Variants in CACNA1S observed in about 807,000 individuals in gnomAD.
CACNA1S encodes voltage-dependent L-type calcium channel subunit alpha-1S.
Under a neutral mutation model 207.4 loss-of-function variants are expected in CACNA1S, and 126 were observed. The ratio of observed to expected loss-of-function variants is 0.61; its 90% CI spans 0.53 to 0.70. The LOEUF is 0.70. Among genes scored for constraint, CACNA1S ranks in the 30% least tolerant of loss-of-function variants. The pLI is 0.00. For synonymous variants in CACNA1S, 960 were observed against 932.7 expected (o/e 1.03, Z -0.53); for missense variants, 2,349 against 2,422.8 (o/e 0.97, Z 0.64).
In CACNA1S at chr1:201,053,279, A is replaced by G. The variant is rs1281396256; in HGVS notation, c.3796-5T>C. ...CAGAGCCACGTAGGGTAGGGCCTGC[A>G]GGGCGGGCGGGAGCGCCAGTCAGTG... On this transcript the variant is annotated splice_polypyrimidine_tract_variant and splice_region_variant and intron_variant, in intron 30 of 43. Transcript: ENST00000362061. The surrounding 1 kb of genome is among the most constrained non-coding windows in gnomAD (Gnocchi z 5.1). 1 of 1,613,838 alleles carries G rather than the reference A, an allele frequency of 6.2e-7. No individual in the cohort carries two copies. Among genetic ancestry groups the G allele is most frequent in the East Asian group, 2.2e-5 (1 of 44,884 alleles).
In CACNA1S at chr1:201,075,475, C is replaced by T. The variant is rs1362469143; in HGVS notation, c.1948+20G>A. The T allele has an allele frequency of 1.2e-6, 2 of 1,603,254 alleles. No homozygotes were observed. The highest frequency in any genetic ancestry group is 1.1e-5 in the South Asian group (1 of 90,814). The stretch of plus-strand genomic sequence containing the variant: ...CCCCCTCCCTAAGCTCTTTTCTGCA[C>T]CCTGCTCCCGAGAGGATACAGTTGC... On this transcript the variant is annotated intron_variant, in intron 13 of 43. Coordinates refer to ENST00000362061, the MANE Select transcript of CACNA1S (RefSeq NM_000069.3).
At chr1:201,081,436 T>C (rs1370554307) in intron 10 of CACNA1S, among the ~76,000 whole-genome samples, 8 of 152,370 alleles carry the variant, frequency 5.3e-5, no homozygotes, top group Admixed American at 3.9e-4. Flanking sequence ...TTTTCTCGTA[T>C]CCTACTCGTC....
At chr1:201,061,539 G>A (rs1661050813) in intron 24 of CACNA1S, 71 bp from the exon 25 acceptor site, 6 of 1,445,106 alleles carry the variant, frequency 4.2e-6, no homozygotes, top group African/African-American at 2.8e-5. Context: ...TGGGAAGGAT[G>A]GGCTTTATCC....
Position 201,112,220 on chromosome 1 carries a change from CAG to C in CACNA1S, c.118_119del (p.Leu40GlufsTer38). ...CTACAATGCTGATGCAGGCCTTCCTCAGGGGGTTCTCCAGGGTCAGGCAGAAC... is the reference window on the plus strand; with the variant it reads ...CTACAATGCTGATGCAGGCCTTCCTCGGGGTTCTCCAGGGTCAGGCAGAAC... ...ALFCLTLENP[L>X]RKACISIVEW... On this transcript the variant is annotated frameshift_variant, in exon 1 of 44. Transcript: ENST00000362061. LOFTEE classifies it high-confidence loss of function. The C allele has an allele frequency of 6.2e-7, 1 of 1,613,946 alleles. No homozygotes were observed.
chr1:201,051,659 C>T (rs1271071416), intron 32 of CACNA1S, among the ~76,000 whole-genome samples: 4 of 152,210 alleles, frequency 2.6e-5, no homozygotes, highest in Non-Finnish European at 5.9e-5. Context: ...TTTCCAGTAA[C>T]TGCTACAACC....
chr1:201,068,483 TC>T (rs1661330560), intron 19 of CACNA1S, among the ~76,000 whole-genome samples: 1 of 149,982 alleles, frequency 6.7e-6, no homozygotes, highest in African/African-American at 2.4e-5. Flanking sequence ...CCTCAGGTGA[TC>T]CGCCCGCCTC....
chr1:201,097,609 C>T (rs753234286), intron 2 of CACNA1S, among the ~76,000 whole-genome samples: 13 of 152,274 alleles, frequency 8.5e-5, no homozygotes, highest in Non-Finnish European at 1.8e-4. Flanking sequence ...CCTGACAGAC[C>T]GCAGCTTCCT....
At chr1:201,101,774 G>A (rs1165075754) in intron 2 of CACNA1S, among the ~76,000 whole-genome samples, 1 of 152,244 alleles carries the variant, frequency 6.6e-6, no homozygotes, top group Non-Finnish European at 1.5e-5. Context: ...TGGTGGGTGT[G>A]AGGTGGCCAG....
At chr1:201,092,242 C>G (rs185605024) in intron 3 of CACNA1S, 128 bp from the exon 4 acceptor site, 8 of 898,290 alleles carry the variant, frequency 8.9e-6, no homozygotes, top group Admixed American at 4.3e-5. Context: ...ACGGCAAATA[C>G]GGGTGCATCA....
chr1:201,066,157 G>A lies in CACNA1S; in HGVS notation c.2745+72C>T, dbSNP rs2102582353. On this transcript the variant is annotated intron_variant, in intron 21 of 43. Coordinates refer to ENST00000362061, the MANE Select transcript of CACNA1S (RefSeq NM_000069.3). This position sits in a 1 kb window ranked among gnomAD's most constrained non-coding sequence, Gnocchi z 4.3. ...GGGTCCCAGCCATGGCTGGGCTGAG[G>A]TTTCTGGAGCGAGGAGGCCCCTGTA... 2 of 1,449,714 alleles carry A rather than the reference G, an allele frequency of 1.4e-6. No homozygotes were observed. The highest frequency in any genetic ancestry group is 1.1e-5 in the South Asian group (1 of 87,580). 89.8% of individuals were successfully genotyped at this position (1,449,714 alleles called of 1,614,324 possible).
chr1:201,111,165 C>T (rs75413021), intron 1 of CACNA1S, among the ~76,000 whole-genome samples: 4,983 of 152,044 alleles, frequency 0.033, 195 homozygotes, highest in African/African-American at 0.094. Context: ...TTGATGTGGG[C>T]GATATACCGC....
chr1:201,069,389 G>A (rs1659068362), intron 18 of CACNA1S, 83 bp downstream of exon 18: 1 of 1,571,996 alleles, frequency 6.4e-7, no homozygotes, highest in African/African-American at 1.3e-5. Flanking sequence ...TAGCCACATA[G>A]AGGATACAGC....
At chr1:201,049,956 C>T (rs1366898388) in intron 34 of CACNA1S, among the ~76,000 whole-genome samples, 2 of 152,160 alleles carry the variant, frequency 1.3e-5, no homozygotes, top group Non-Finnish European at 2.9e-5. Flanking sequence ...GAGAGCCGTG[C>T]TCTCCAAGCT....
intron 10 of CACNA1S, among the ~76,000 whole-genome samples, chr1:201,080,134 C>T (rs754742518): frequency 7.2e-5 from 11 of 152,170 alleles, no homozygotes; most frequent in South Asian, 4.1e-4. Flanking sequence ...CCCTCCAATG[C>T]GTCCCAGATT....
Position 201,066,074 on chromosome 1 carries a change from G to T in CACNA1S, c.2746-129C>A. 1 of 927,696 alleles carries T rather than the reference G, an allele frequency of 1.1e-6. No homozygotes were observed. The allele number at this position is 927,696 out of a possible 1,614,324, so 57.5% of individuals were successfully genotyped here. The stretch of plus-strand genomic sequence containing the variant: ...GTTGGAGGTGGGGAAAGGCTGGTGG[G>T]GAAGCATAGCTACCCCAGCCTCATC... On this transcript the variant is annotated intron_variant, in intron 21 of 43. Coordinates refer to ENST00000362061, the MANE Select transcript of CACNA1S (RefSeq NM_000069.3). The surrounding 1 kb of genome is among the most constrained non-coding windows in gnomAD (Gnocchi z 4.3).
chr1:201,068,843 GC>G (rs1661349059), intron 19 of CACNA1S, among the ~76,000 whole-genome samples: 2 of 152,234 alleles, frequency 1.3e-5, no homozygotes, highest in South Asian at 4.1e-4. Flanking sequence ...TTGCACTCCA[GC>G]CTGGTGACAG....
In CACNA1S at chr1:201,048,668, T is replaced by C. The variant is rs748702961; in HGVS notation, c.4355A>G (p.Asn1452Ser). 1 of 1,612,950 alleles carries C rather than the reference T, an allele frequency of 6.2e-7. No homozygotes were observed. Among genetic ancestry groups the C allele is most frequent in the Admixed American group, 1.7e-5 (1 of 60,024 alleles). ...RVACKRLVGM[N>S]MPLNSDGTVT... ...TGTGCCGTCGCTGTTCAGGGGCATG[T>C]TCATGCCCACCAGCCGCTGTACAGG... Residue 1452 changes from asparagine (N) to serine (S), a missense_variant, in exon 36 of 44, where the codon AAC becomes AGC. By Grantham distance (46) the Asn-to-Ser change is conservative. Coordinates refer to ENST00000362061, the MANE Select transcript of CACNA1S (RefSeq NM_000069.3).
intron 2 of CACNA1S, among the ~76,000 whole-genome samples, chr1:201,100,982 A>G (rs1478069849): frequency 6.6e-6 from 1 of 152,196 alleles, no homozygotes; most frequent in Non-Finnish European, 1.5e-5. Context: ...TCTTTAGCCT[A>G]GAAAGCGGAT....
In CACNA1S at chr1:201,040,322, C is replaced by A; in HGVS notation, c.5279G>T (p.Gly1760Val). 6.2e-7 allele frequency: 1 copy of A among 1,613,804 alleles called. No individual in the cohort carries two copies. Among genetic ancestry groups the A allele is most frequent in the Non-Finnish European group, 8.5e-7 (1 of 1,179,876 alleles). Residue 1760 changes from glycine (G) to valine (V), a missense_variant, in exon 43 of 44, where the codon GGG (glycine) becomes GTG (valine). Gly to Val is a moderately radical substitution (Grantham distance 109, BLOSUM62 -3). Coordinates refer to ENST00000362061, the MANE Select transcript of CACNA1S (RefSeq NM_000069.3). ...GTGGGGTGTCTCCTCATGAAGAGAC[C>A]CTGGTGTGGAGCTCTTTCTGTCCTC... Reference protein sequence around the residue: ...MPEDRKSSTPGSLHEETPHSR... With the variant: ...MPEDRKSSTPVSLHEETPHSR...
Sources: gnomAD v4.1 joint callset for allele counts (sites outside exome capture counted in the v4.1 genomes callset) on GRCh38, gnomAD v4.1.1 for gene constraint, Gnocchi (gnomAD v3.1) non-coding constraint, MANE v1.5 for transcripts, NCBI Gene and HGNC (gene_info 2026-07-23, HGNC 2026-07-21) for gene names.